The following CLASP1 variants were observed in gnomAD, a reference collection of about 807,000 sequenced individuals.
CLASP1 encodes cytoplasmic linker associated protein 1.
CLASP1 carries 38 observed loss-of-function variants against 192.3 expected under a neutral mutation model. The observed-to-expected ratio is 0.20, with a 90% CI of 0.15 to 0.26. The LOEUF (loss-of-function observed/expected upper bound fraction) is 0.26, where lower values mean the gene tolerates loss of function less well. Among genes scored for constraint, CLASP1 ranks in the 10% least tolerant of loss-of-function variants. The pLI is 1.00. For missense variants in CLASP1, 1,433 were observed against 1,932.5 expected, an observed-to-expected ratio of 0.74 and a Z score of 4.85; for synonymous variants, 691 against 712.8, an observed-to-expected ratio of 0.97 and a Z score of 0.49.
chr2:121,447,243 T>C (rs1403686599), intron 19 of CLASP1, 94 bp downstream of exon 19: 37 of 1,164,050 alleles, frequency 3.2e-5, no homozygotes, highest in Non-Finnish European at 4.5e-5. Flanking sequence ...ACAGTGAGAC[T>C]TGCCTCAATC....
intron 2 of CLASP1, among the ~76,000 whole-genome samples, chr2:121,590,894 G>T (rs1180314216): frequency 2.8e-5 from 4 of 143,574 alleles, no homozygotes; most frequent in African/African-American, 1.1e-4. Context: ...TTGAGATGGA[G>T]TCTCGCTCTG....
chr2:121,407,720 C>T lies in CLASP1; in HGVS notation c.2425-5G>A, dbSNP rs770897052. ...TCTCCTCCTCACAGGCTTCTTCTGA[C>T]AGGTCCAATGAGGGATGGGAGTGAT... On this transcript the variant is annotated splice_polypyrimidine_tract_variant and splice_region_variant and intron_variant, in intron 24 of 39. Coordinates refer to ENST00000263710, the Ensembl canonical transcript of CLASP1. 2 of 1,613,734 alleles carry T rather than the reference C, an allele frequency of 1.2e-6. No homozygotes were observed. Among genetic ancestry groups the T allele is most frequent in the Non-Finnish European group, 1.7e-6 (2 of 1,179,810 alleles).
intron 16 of CLASP1, among the ~76,000 whole-genome samples, chr2:121,450,413 A>G (rs78869892): frequency 6.3e-4 from 96 of 152,340 alleles, no homozygotes; most frequent in African/African-American, 2.2e-3. Context: ...CCTAATGGCA[A>G]AAGTACCTCA....
intron 8 of CLASP1, among the ~76,000 whole-genome samples, chr2:121,495,487 C>G (rs996911556): frequency 1.2e-4 from 18 of 151,302 alleles, no homozygotes; most frequent in Admixed American, 1.1e-3. Flanking sequence ...ATGGTGAAAC[C>G]CCGTCTCTAC....
chr2:121,637,722 T>C (rs573350349), intron 1 of CLASP1, among the ~76,000 whole-genome samples: 1 of 151,918 alleles, frequency 6.6e-6, no homozygotes, highest in African/African-American at 2.4e-5. Flanking sequence ...TCCATCTCTA[T>C]GAAAAATACA....
intron 34 of CLASP1, among the ~76,000 whole-genome samples, chr2:121,375,066 TC>T (rs2069710399): frequency 6.6e-6 from 1 of 152,174 alleles, no homozygotes; most frequent in South Asian, 2.1e-4. Context: ...AAATCTCATG[TC>T]AAACTGTAAT....
At chr2:121,645,641 C>T (rs2073045322) in intron 1 of CLASP1, among the ~76,000 whole-genome samples, 1 of 152,112 alleles carries the variant, frequency 6.6e-6, no homozygotes, top group African/African-American at 2.4e-5. Context: ...AGTAAATGCA[C>T]AAGAGTGAAT....
chr2:121,631,510 T>G (rs1366440859), intron 1 of CLASP1, among the ~76,000 whole-genome samples: 13 of 151,922 alleles, frequency 8.6e-5, no homozygotes, highest in Admixed American at 7.2e-4. Context: ...ATGGTCTCGA[T>G]CTCTTGACCT....
At chr2:121,517,857 GC>G (rs1427884274) in intron 6 of CLASP1, among the ~76,000 whole-genome samples, 1 of 60,630 alleles carries the variant, frequency 1.6e-5, no homozygotes, top group African/African-American at 1.2e-4. Flanking sequence ...CAAGACTCAA[GC>G]TTTTTTTTTT....
chr2:121,482,095 C>T (rs371101854), intron 8 of CLASP1, among the ~76,000 whole-genome samples: 36 of 152,272 alleles, frequency 2.4e-4, no homozygotes, highest in Admixed American at 9.1e-4. Context: ...AGAGTGTGAG[C>T]GGCTTTAAAT....
intron 15 of CLASP1, 77 bp downstream of exon 15, chr2:121,451,713 C>T: frequency 8.7e-7 from 1 of 1,144,664 alleles, no homozygotes; most frequent in Non-Finnish European, 1.3e-6. Context: ...TACAGAAAGC[C>T]AGCTGGACCA....
intron 34 of CLASP1, among the ~76,000 whole-genome samples, chr2:121,369,689 C>T (rs761897317): frequency 6.6e-5 from 10 of 152,276 alleles, no homozygotes; most frequent in Non-Finnish European, 1.2e-4. Flanking sequence ...AAGCACTTCC[C>T]GTGTGGATGA....
At chr2:121,475,400 G>A (rs1304811808) in intron 8 of CLASP1, among the ~76,000 whole-genome samples, 2 of 152,170 alleles carry the variant, frequency 1.3e-5, no homozygotes, top group Non-Finnish European at 2.9e-5. Context: ...CATCAGAAAG[G>A]TACCTAGTTT....
chr2:121,346,685 G>A (rs938705623), intron 39 of CLASP1, among the ~76,000 whole-genome samples: 1 of 152,258 alleles, frequency 6.6e-6, no homozygotes, highest in Non-Finnish European at 1.5e-5. Flanking sequence ...GAGGGACTCA[G>A]CTCTGATTCA....
intron 1 of CLASP1, among the ~76,000 whole-genome samples, chr2:121,637,201 A>AGT (rs1414810576): frequency 1.3e-5 from 2 of 152,352 alleles, no homozygotes; most frequent in Non-Finnish European, 2.9e-5. Flanking sequence ...TCATATATCA[A>AGT]GCAGCAACAC....
chr2:121,366,627 G>A (rs914062290), intron 35 of CLASP1, among the ~76,000 whole-genome samples: 1 of 152,206 alleles, frequency 6.6e-6, no homozygotes, highest in African/African-American at 2.4e-5. Context: ...TGTCTCATGT[G>A]CCTCGGTCCC....
chr2:121,450,696 C>G (rs2085301755), intron 16 of CLASP1, among the ~76,000 whole-genome samples: 1 of 152,082 alleles, frequency 6.6e-6, no homozygotes, highest in African/African-American at 2.4e-5. Flanking sequence ...AAAAAACGAG[C>G]ATTCTTTTGT....
intron 1 of CLASP1, among the ~76,000 whole-genome samples, chr2:121,630,292 C>G (rs923412814): frequency 6.6e-6 from 1 of 151,334 alleles, no homozygotes; most frequent in Non-Finnish European, 1.5e-5. Flanking sequence ...AAAGTTAAAT[C>G]AAATTGTAAT....
intron 8 of CLASP1, among the ~76,000 whole-genome samples, chr2:121,483,434 A>G (rs2092741136): frequency 6.6e-6 from 1 of 151,936 alleles, no homozygotes; most frequent in Admixed American, 6.6e-5. Context: ...GAGAGAGAGA[A>G]AGAGGGAGAA....
Sources: allele counts gnomAD v4.1 joint callset (sites outside exome capture counted in the v4.1 genomes callset), GRCh38; gene constraint gnomAD v4.1.1; transcripts MANE v1.5; gene names NCBI Gene and HGNC (gene_info 2026-07-23, HGNC 2026-07-21).